Variants in VANGL1 observed in about 807,000 individuals in gnomAD.
The protein encoded by VANGL1 is VANGL planar cell polarity protein 1, also known as vang-like protein 1.
A neutral mutation model predicts 48.4 loss-of-function variants in VANGL1; 18 were observed. The observed-to-expected ratio is 0.37, with a 90% CI of 0.26 to 0.55. The LOEUF (loss-of-function observed/expected upper bound fraction) is 0.55. VANGL1 is among the 20% of genes least tolerant of loss of function. The pLI, the probability that VANGL1 is intolerant of heterozygous loss-of-function variation, is 0.81. For synonymous variants in VANGL1, 257 were observed against 261.8 expected (o/e 0.98, Z 0.18); for missense variants, 667 against 675.8 (o/e 0.99, Z 0.14).
chr1:115,659,705 G>A lies in VANGL1; in HGVS notation c.136G>A (p.Val46Ile). Reference sequence around the variant, plus strand: ...AGACGGCAGAGGGTCAGAAAAGTCTGTCACCATTCAACCTCCCACTGGAGA... The same window carrying A: ...AGACGGCAGAGGGTCAGAAAAGTCTATCACCATTCAACCTCCCACTGGAGA... ...NKDGRGSEKS[V>I]TIQPPTGEPL... is the part of the protein sequence containing the mutation. Residue 46 changes from valine (V) to isoleucine (I), a missense_variant, in exon 3 of 8, where the codon GTC becomes ATC. Physicochemically the swap from Val to Ile is conservative, Grantham distance 29. Coordinates refer to ENST00000355485, the MANE Select transcript of VANGL1 (RefSeq NM_138959.3). 6.2e-7 allele frequency: 1 copy of A among 1,614,180 alleles called. No individual in the cohort carries two copies. Among genetic ancestry groups the A allele is most frequent in the Non-Finnish European group, 8.5e-7 (1 of 1,180,024 alleles).
rs538240165 is a variant in VANGL1, at chr1:115,659,558, A to G, written c.72-83A>G. Reference sequence around the variant, plus strand: ...GTGTGTGTATGTAGAATTTCCCTAAATTCAAAATGATACTTACATTTTGAT... The same window carrying G: ...GTGTGTGTATGTAGAATTTCCCTAAGTTCAAAATGATACTTACATTTTGAT... On this transcript the variant is annotated intron_variant, in intron 2 of 7. Transcript: ENST00000355485. 63 of 1,586,034 alleles carry G rather than the reference A, an allele frequency of 4.0e-5. 2 individuals carry two copies. In the South Asian group the frequency reaches 7.0e-4, roughly 18 times the overall value.
In VANGL1 at chr1:115,693,067, C is replaced by T. The variant is rs374184679; in HGVS notation, c.*1688C>T. ...AAAAGTAAACAACATTCTTCAATTA[C>T]TAGCCTTCAGCTTGAAAAGACATGC... is the stretch of plus-strand genomic sequence containing the variant. On this transcript the variant is annotated 3_prime_UTR_variant, in exon 8 of 8. Coordinates refer to ENST00000355485, the MANE Select transcript of VANGL1 (RefSeq NM_138959.3). The T allele has an allele frequency of 1.8e-4, 27 of 152,482 alleles. No homozygotes were observed. The highest frequency in any genetic ancestry group is 5.3e-4 in the African/African-American group (22 of 41,580). The allele number at this position is 152,482 out of a possible 1,614,324, so 9.4% of individuals were successfully genotyped here.
intron 4 of VANGL1, 129 bp from the exon 5 acceptor site, chr1:115,682,235 C>T: frequency 1.5e-6 from 2 of 1,309,212 alleles, no homozygotes; most frequent in Non-Finnish European, 2.1e-6. Context: ...TGGTGGAACC[C>T]AGTGGACTTC....
chr1:115,654,668 C>T (rs916231119), intron 2 of VANGL1, among the ~76,000 whole-genome samples: 4 of 152,144 alleles, frequency 2.6e-5, no homozygotes, highest in Non-Finnish European at 5.9e-5. Flanking sequence ...CCACAGGCCC[C>T]GTCCAGCAGC....
At chr1:115,658,597 T>C (rs1400559214) in intron 2 of VANGL1, among the ~76,000 whole-genome samples, 1 of 152,180 alleles carries the variant, frequency 6.6e-6, no homozygotes, top group Non-Finnish European at 1.5e-5. Flanking sequence ...CTGTCCTGCC[T>C]GGGAGACCTT....
Position 115,689,296 on chromosome 1 carries a change from GA to G in VANGL1, c.1315-1816del, listed in dbSNP as rs544558386. Among the ~76,000 whole-genome samples the G allele has an allele frequency of 1.8e-4, 24 of 136,304 alleles. 4 individuals carry two copies. The highest frequency in any genetic ancestry group is 3.1e-4 in the Admixed American group (4 of 13,026). The allele number at this position is 136,304 out of a possible 152,430, so 89.4% of individuals were successfully genotyped here. A position where few individuals can be genotyped will look rare whatever the true frequency, so the allele number is the denominator to read the frequency against. On this transcript the variant is annotated intron_variant, in intron 7 of 7. Transcript: ENST00000355485. ...GCCTTACAATAGATGCTCCACAGATGAAAAAAATATATACCTGGCAGTAGCA... is the reference window on the plus strand; with the variant it reads ...GCCTTACAATAGATGCTCCACAGATGAAAAAATATATACCTGGCAGTAGCA...
intron 7 of VANGL1, 27 bp downstream of exon 7, chr1:115,685,554 A>C (rs768832113): frequency 6.2e-7 from 1 of 1,609,740 alleles, no homozygotes; most frequent in African/African-American, 1.3e-5. Context: ...GGGCTCTGCC[A>C]CCGTCATCCT....
At position 115,682,453 on chromosome 1, in the gene VANGL1, G is replaced by A. The variant is rs373814054; in HGVS notation, c.902G>A (p.Arg301Gln). Reference protein sequence around the residue: ...NPNLLTASKFRAAKHMAGLKV... With the variant: ...NPNLLTASKFQAAKHMAGLKV... ...AACCTCCTAACAGCCTCCAAATTCC[G>A]AGCAGCCAAGCATATGGCCGGGCTG... The change falls in exon 5 of 8, where the codon CGA becomes CAA. Residue 301 changes from arginine to glutamine, a missense_variant. Physicochemically the swap from Arg to Gln is conservative, Grantham distance 43. Transcript: ENST00000355485. The A allele has an allele frequency of 8.7e-6, 14 of 1,613,934 alleles. 1 individual carries two copies. Among genetic ancestry groups the A allele is most frequent in the South Asian group, 5.5e-5 (5 of 91,070 alleles).
chr1:115,663,621 G>T (rs1233587214), intron 3 of VANGL1, 40 bp from the exon 4 acceptor site: 2 of 1,613,640 alleles, frequency 1.2e-6, no homozygotes, highest in African/African-American at 1.3e-5. Context: ...TTTTACAAAT[G>T]ACCTGTGTCA....
chr1:115,673,804 T>C (rs1301822107), intron 4 of VANGL1, among the ~76,000 whole-genome samples: 1 of 152,010 alleles, frequency 6.6e-6, no homozygotes, highest in African/African-American at 2.4e-5. Context: ...TTCACTTTGT[T>C]GGTCAGGCTG....
intron 2 of VANGL1, among the ~76,000 whole-genome samples, chr1:115,655,572 C>T (rs1268856402): frequency 1.3e-5 from 2 of 152,176 alleles, no homozygotes; most frequent in African/African-American, 2.4e-5. Flanking sequence ...GAAAAACTCT[C>T]GTAGCTGACA....
chr1:115,657,516 G>A (rs183031877), intron 2 of VANGL1, among the ~76,000 whole-genome samples: 1 of 152,292 alleles, frequency 6.6e-6, no homozygotes. Context: ...ATTATAGTGA[G>A]GCATTCAGCA....
chr1:115,648,232 AAT>A (rs1190171294), intron 1 of VANGL1, among the ~76,000 whole-genome samples: 1 of 152,236 alleles, frequency 6.6e-6, no homozygotes, highest in East Asian at 1.9e-4. Flanking sequence ...TGGATGGACT[AAT>A]AAATGAAATA....
intron 1 of VANGL1, among the ~76,000 whole-genome samples, chr1:115,649,088 AG>A (rs1195952578): frequency 1.3e-5 from 2 of 152,196 alleles, no homozygotes; most frequent in African/African-American, 4.8e-5. Context: ...GTGAGAAAAC[AG>A]CAAAGCCCAG....
chr1:115,653,175 C>T (rs976008256), intron 2 of VANGL1, among the ~76,000 whole-genome samples: 7 of 152,046 alleles, frequency 4.6e-5, no homozygotes, highest in Non-Finnish European at 7.4e-5. Context: ...ATGTATTGCT[C>T]TTATCAAAAT....
chr1:115,654,703 C>T (rs1479237409), intron 2 of VANGL1, among the ~76,000 whole-genome samples: 1 of 152,090 alleles, frequency 6.6e-6, no homozygotes, highest in Non-Finnish European at 1.5e-5. Context: ...CCTTCTGTTT[C>T]TCATCCTTAT....
chr1:115,675,602 C>A (rs1435133327), intron 4 of VANGL1, among the ~76,000 whole-genome samples: 3 of 152,012 alleles, frequency 2.0e-5, no homozygotes, highest in Non-Finnish European at 4.4e-5. Flanking sequence ...GAGTGCAAGA[C>A]CAGCCTGGCC....
At chr1:115,664,729 T>A (rs1321931471) in intron 4 of VANGL1, among the ~76,000 whole-genome samples, 1 of 152,210 alleles carries the variant, frequency 6.6e-6, no homozygotes, top group Non-Finnish European at 1.5e-5. Flanking sequence ...CAGTAAATTA[T>A]ATGGTCATCC....
In VANGL1 at chr1:115,685,452, G is replaced by A. The variant is rs753410353; in HGVS notation, c.1239G>A (p.Arg413=). ...TCCAGAAGTACCTGCGCATCACCCG[G>A]CAGCAGAACTACCACAGCATGGAGA... The part of the protein sequence containing the change: ...RALQKYLRIT[R]QQNYHSMESI... Residue 413 remains arginine (R), a synonymous_variant, in exon 7 of 8, where the codon CGG becomes CGA. Coordinates refer to ENST00000355485, the MANE Select transcript of VANGL1 (RefSeq NM_138959.3). 1.2e-6 allele frequency: 2 copies of A among 1,614,122 alleles called. No homozygotes were observed. The highest frequency in any genetic ancestry group is 1.1e-5 in the South Asian group (1 of 91,078).
Sources: gnomAD v4.1 joint callset for allele counts (sites outside exome capture counted in the v4.1 genomes callset) on GRCh38, gnomAD v4.1.1 for gene constraint, MANE v1.5 for transcripts, NCBI Gene and HGNC (gene_info 2026-07-23, HGNC 2026-07-21) for gene names.